The following ZNF804B variants were observed in gnomAD, a reference collection of about 807,000 sequenced individuals.
ZNF804B encodes the protein zinc finger protein 804B, also known as zinc finger 804B.
ZNF804B carries 80 observed loss-of-function variants against 101.4 expected under a neutral mutation model. The ratio of observed to expected loss-of-function variants is 0.79; its 90% CI spans 0.66 to 0.95. The LOEUF (loss-of-function observed/expected upper bound fraction) is 0.95. Ranked by LOEUF, ZNF804B falls within the 40% of genes least tolerant of loss-of-function variation. The probability of loss-of-function intolerance (pLI) is 0.00; values close to 1 mark genes in which losing one functional copy is unlikely to be tolerated. For synonymous variants in ZNF804B, 622 were observed against 558.8 expected (o/e 1.11, Z -1.59); for missense variants, 1,673 against 1,561.9 (o/e 1.07, Z -1.20).
chr7:89,058,145 T>G (rs911983944), intron 1 of ZNF804B, among the ~76,000 whole-genome samples: 2 of 152,136 alleles, frequency 1.3e-5, no homozygotes, highest in Non-Finnish European at 2.9e-5. Context: ...TAGTGACTGT[T>G]AGTAAGATGT....
At chr7:89,056,024 T>C (rs1026502724) in intron 1 of ZNF804B, among the ~76,000 whole-genome samples, 1 of 152,054 alleles carries the variant, frequency 6.6e-6, no homozygotes, top group African/African-American at 2.4e-5. Flanking sequence ...CTTGGTCAGA[T>C]GAGGAAATTC....
At chr7:89,238,300 A>G (rs73397199) in intron 2 of ZNF804B, among the ~76,000 whole-genome samples, 7,244 of 152,206 alleles carry the variant, frequency 0.048, 559 homozygotes, top group African/African-American at 0.16. Context: ...ATAATCCCTA[A>G]ATTTATGAAA....
chr7:89,086,126 C>A (rs568562156), intron 1 of ZNF804B, among the ~76,000 whole-genome samples: 1 of 151,854 alleles, frequency 6.6e-6, no homozygotes, highest in African/African-American at 2.4e-5. Context: ...TTCTGCTTAC[C>A]TGCTGTGATT....
chr7:88,896,735 T>C (rs1490249387), intron 1 of ZNF804B, among the ~76,000 whole-genome samples: 1 of 152,144 alleles, frequency 6.6e-6, no homozygotes, highest in Non-Finnish European at 1.5e-5. Context: ...AAAGCTATAA[T>C]TGATTTGGAA....
chr7:89,287,914 A>G (rs559065269), intron 2 of ZNF804B, among the ~76,000 whole-genome samples: 1 of 138,798 alleles, frequency 7.2e-6, no homozygotes, highest in South Asian at 2.4e-4. Context: ...AGTATTTCAG[A>G]TAATTTAATA....
intron 1 of ZNF804B, among the ~76,000 whole-genome samples, chr7:88,920,180 A>G (rs1792699632): frequency 2.0e-5 from 3 of 151,696 alleles, no homozygotes; most frequent in Non-Finnish European, 4.4e-5. Context: ...ATAAATCAGA[A>G]CTCTCCTTCA....
chr7:88,985,014 CTT>C (rs1340123591), intron 1 of ZNF804B, among the ~76,000 whole-genome samples: 2 of 151,958 alleles, frequency 1.3e-5, no homozygotes, highest in Non-Finnish European at 2.9e-5. Flanking sequence ...CAGAGAAACT[CTT>C]TACCTTCATT....
chr7:89,070,222 A>G (rs190152041), intron 1 of ZNF804B, among the ~76,000 whole-genome samples: 239 of 152,324 alleles, frequency 1.6e-3, no homozygotes, highest in Non-Finnish European at 2.8e-3. Context: ...TTCAAGTACT[A>G]TGGTCCCAAA....
At chr7:89,147,213 T>TA (rs1395969653) in intron 1 of ZNF804B, among the ~76,000 whole-genome samples, 1 of 151,848 alleles carries the variant, frequency 6.6e-6, no homozygotes, top group African/African-American at 2.4e-5. Flanking sequence ...GAGCAGTCCT[T>TA]AAAAACATCT....
Position 89,094,666 on chromosome 7 carries a change from G to T in ZNF804B, c.109-123489G>T, listed in dbSNP as rs1338263656. Among the ~76,000 whole-genome samples the T allele has an allele frequency of 7.2e-5, 9 of 125,050 alleles. No homozygotes were observed. The East Asian group carries it at 1.4e-3, about 19-fold the overall frequency. The allele number at this position is 125,050 out of a possible 152,430, so 82.0% of individuals were successfully genotyped here. ...TGTTTCTGATGAAAACCAAAGAGTT[G>T]TTTATACATTTTTTTTTCAGTTTGT... On this transcript the variant is annotated intron_variant, in intron 1 of 3. Transcript: ENST00000333190.
At chr7:89,333,030 T>C (rs1410502507) in intron 3 of ZNF804B, among the ~76,000 whole-genome samples, 1 of 152,088 alleles carries the variant, frequency 6.6e-6, no homozygotes, top group South Asian at 2.1e-4. Context: ...TGGAAAACTA[T>C]TAGTGAAATC....
rs554750380 is a variant in ZNF804B at position 89,276,344 on chromosome 7, G to A, written c.250-51000G>A. On this transcript the variant is annotated intron_variant, in intron 2 of 3. Transcript: ENST00000333190. ...ACTTAAAATAAAAATTACTCCATGT[G>A]CAGTTATATAGGTAAAAGACCCCTT... Among the ~76,000 whole-genome samples, 5 of 151,922 alleles carry A rather than the reference G, an allele frequency of 3.3e-5. 1 individual carries two copies. The highest frequency in any genetic ancestry group is 3.9e-4 in the East Asian group (2 of 5,170).
At chr7:89,173,298 GT>G (rs1030843282) in intron 1 of ZNF804B, among the ~76,000 whole-genome samples, 34 of 151,802 alleles carry the variant, frequency 2.2e-4, no homozygotes, top group African/African-American at 6.0e-4. Context: ...AGAGGTAGCT[GT>G]TTTTTTATAT....
intron 2 of ZNF804B, among the ~76,000 whole-genome samples, chr7:89,279,987 A>C (rs1790061161): frequency 6.6e-6 from 1 of 151,940 alleles, no homozygotes; most frequent in South Asian, 2.1e-4. Flanking sequence ...ACCTATTCCA[A>C]AATTGACCAC....
chr7:89,237,490 A>G (rs1398147186), intron 2 of ZNF804B, among the ~76,000 whole-genome samples: 1 of 152,224 alleles, frequency 6.6e-6, no homozygotes, highest in Non-Finnish European at 1.5e-5. Flanking sequence ...CAGATGAAGC[A>G]TGTTAAAGTA....
chr7:89,063,054 A>G (rs1789402283), intron 1 of ZNF804B, among the ~76,000 whole-genome samples: 1 of 152,142 alleles, frequency 6.6e-6, no homozygotes, highest in Non-Finnish European at 1.5e-5. Context: ...TGTTGTAAGA[A>G]GTAGGATAAT....
At chr7:89,252,460 T>C (rs906127515) in intron 2 of ZNF804B, among the ~76,000 whole-genome samples, 1 of 152,128 alleles carries the variant, frequency 6.6e-6, no homozygotes, top group South Asian at 2.1e-4. Flanking sequence ...TCAACTACAG[T>C]GGAAAGAAGT....
intron 1 of ZNF804B, among the ~76,000 whole-genome samples, chr7:88,845,283 G>A (rs558292675): frequency 1.6e-5 from 2 of 123,474 alleles, no homozygotes; most frequent in African/African-American, 7.8e-5. Flanking sequence ...GTGTGCGCAC[G>A]CGCGCGCGCA....
intron 1 of ZNF804B, among the ~76,000 whole-genome samples, chr7:89,090,703 A>C (rs149173147): frequency 6.6e-6 from 1 of 152,234 alleles, no homozygotes; most frequent in East Asian, 1.9e-4. Context: ...TAATACAAAT[A>C]CACAGTTTTT....
Sources: allele counts gnomAD v4.1 joint callset (sites outside exome capture counted in the v4.1 genomes callset), GRCh38; gene constraint gnomAD v4.1.1; transcripts MANE v1.5; gene names NCBI Gene and HGNC (gene_info 2026-07-23, HGNC 2026-07-21).